Variants in GABRA2 observed in about 807,000 individuals in gnomAD.
The protein encoded by GABRA2 is gamma-aminobutyric acid receptor subunit alpha-2.
In GABRA2, 16 loss-of-function variants were observed where a neutral mutation model predicts 48.7. The observed-to-expected ratio is 0.33, with a 90% confidence interval of 0.22 to 0.50. The LOEUF (loss-of-function observed/expected upper bound fraction) is 0.50, where lower values mean the gene tolerates loss of function less well. Among genes scored for constraint, GABRA2 ranks in the 20% least tolerant of loss-of-function variants. The probability of loss-of-function intolerance (pLI) is 0.98; values close to 1 mark genes in which losing one functional copy is unlikely to be tolerated. For missense variants in GABRA2, 275 were observed against 535.6 expected (o/e 0.51, Z 4.80); for synonymous variants, 185 against 184.5 (o/e 1.00, Z -0.02).
At chr4:46,312,898 A>T (rs1459611475) in intron 4 of GABRA2, among the ~76,000 whole-genome samples, 182 bp from the exon 5 acceptor site, 1 of 152,086 alleles carries the variant, frequency 6.6e-6, no homozygotes, top group Non-Finnish European at 1.5e-5. Flanking sequence ...ACAATGGGAT[A>T]AAGTACGTCT....
At chr4:46,272,178 G>A (rs1222258841) in intron 8 of GABRA2, among the ~76,000 whole-genome samples, 1 of 151,688 alleles carries the variant, frequency 6.6e-6, no homozygotes, top group African/African-American at 2.4e-5. Flanking sequence ...CACACAACCT[G>A]GTCTGATGCA....
At chr4:46,306,370 T>G (rs961206567) in intron 6 of GABRA2, among the ~76,000 whole-genome samples, 1 of 152,132 alleles carries the variant, frequency 6.6e-6, no homozygotes, top group Non-Finnish European at 1.5e-5. Flanking sequence ...GAGGAAAAAC[T>G]GCAACCAGAT....
At chr4:46,316,037 T>C (rs1728500554) in intron 4 of GABRA2, among the ~76,000 whole-genome samples, 1 of 151,960 alleles carries the variant, frequency 6.6e-6, no homozygotes, top group African/African-American at 2.4e-5. Context: ...TTCTGACACT[T>C]GCATCTTTTA....
intron 3 of GABRA2, chr4:46,366,671 T>C (rs1410498365): frequency 6.6e-6 from 1 of 152,262 alleles, no homozygotes; most frequent in East Asian, 1.9e-4. Context: ...TATTAAATGA[T>C]ATGTAAAGTG....
intron 3 of GABRA2, among the ~76,000 whole-genome samples, chr4:46,378,046 C>A (rs1405541724): frequency 0.041 from 9 of 220 alleles, no homozygotes; most frequent in Non-Finnish European, 0.056. Flanking sequence ...GGGGTTCAGC[C>A]CCCCCACCCG....
At chr4:46,324,627 C>T (rs992833231) in intron 4 of GABRA2, among the ~76,000 whole-genome samples, 3 of 151,590 alleles carry the variant, frequency 2.0e-5, no homozygotes, top group Non-Finnish European at 4.4e-5. Context: ...TGTTACACAA[C>T]TAGATTGCAT....
intron 8 of GABRA2, among the ~76,000 whole-genome samples, chr4:46,278,641 A>C (rs1033517357): frequency 6.6e-6 from 1 of 152,126 alleles, no homozygotes; most frequent in East Asian, 1.9e-4. Flanking sequence ...TTCTTCTATC[A>C]ATTTTTCTGA....
At chr4:46,250,726 A>G (rs1714581953) in intron 9 of GABRA2, 122 bp from the exon 10 acceptor site, 1 of 681,034 alleles carries the variant, frequency 1.5e-6, no homozygotes, top group African/African-American at 1.8e-5. Flanking sequence ...TTAGCAAAAA[A>G]CAGAAATTAG....
intron 3 of GABRA2, among the ~76,000 whole-genome samples, chr4:46,372,724 C>T (rs1445311805): frequency 6.6e-6 from 1 of 152,090 alleles, no homozygotes; most frequent in African/African-American, 2.4e-5. Context: ...GCAAACTTTC[C>T]TGTTTCCAAT....
chr4:46,274,098 G>A (rs1459268099), intron 8 of GABRA2, among the ~76,000 whole-genome samples: 1 of 152,142 alleles, frequency 6.6e-6, no homozygotes, highest in Admixed American at 6.6e-5. Flanking sequence ...GGAGACAGTA[G>A]TCATCTCTGA....
At chr4:46,357,272 G>A (rs1736141703) in intron 3 of GABRA2, among the ~76,000 whole-genome samples, 1 of 151,336 alleles carries the variant, frequency 6.6e-6, no homozygotes, top group Non-Finnish European at 1.5e-5. Context: ...CTGATAATCT[G>A]ATCTCTGGAA....
intron 3 of GABRA2, among the ~76,000 whole-genome samples, chr4:46,377,972 C>G (rs1716138233): frequency 1.3e-5 from 2 of 150,794 alleles, no homozygotes; most frequent in African/African-American, 4.9e-5. Flanking sequence ...GCCGCCCCAT[C>G]CAGGAGGGAG....
chr4:46,290,084 T>G (rs1014321351), intron 8 of GABRA2, among the ~76,000 whole-genome samples: 2 of 119,478 alleles, frequency 1.7e-5, no homozygotes, highest in East Asian at 2.7e-4. Flanking sequence ...GCTCATTTTT[T>G]GTATTTTTTT....
intron 5 of GABRA2, among the ~76,000 whole-genome samples, chr4:46,312,048 G>A (rs560987697): frequency 2.6e-5 from 4 of 152,224 alleles, no homozygotes; most frequent in East Asian, 1.9e-4. Context: ...GAAGTGAGTC[G>A]AGATTGCACC....
intron 3 of GABRA2, among the ~76,000 whole-genome samples, chr4:46,370,919 C>G (rs1280406345): frequency 6.6e-6 from 1 of 152,040 alleles, no homozygotes; most frequent in East Asian, 1.9e-4. Flanking sequence ...AACACACACA[C>G]ACAAAACCAC....
chr4:46,387,344 T>G (rs10013922), intron 2 of GABRA2, among the ~76,000 whole-genome samples: 35,860 of 152,090 alleles, frequency 0.24, 4,452 homozygotes, highest in Non-Finnish European at 0.26. Context: ...GTATAAAATA[T>G]TATTAAAAGT....
At chr4:46,257,316 A>G (rs1429399185) in intron 9 of GABRA2, among the ~76,000 whole-genome samples, 1 of 151,684 alleles carries the variant, frequency 6.6e-6, no homozygotes, top group African/African-American at 2.4e-5. Context: ...GCAGCAGAAG[A>G]AGAGGTATTA....
At chr4:46,282,349 C>G (rs1361503094) in intron 8 of GABRA2, among the ~76,000 whole-genome samples, 1 of 151,996 alleles carries the variant, frequency 6.6e-6, no homozygotes, top group East Asian at 1.9e-4. Flanking sequence ...CCAACAAGAC[C>G]CAAGAATGGG....
chr4:46,268,581 G>C (rs376802035), intron 8 of GABRA2, among the ~76,000 whole-genome samples: 28 of 152,024 alleles, frequency 1.8e-4, no homozygotes, highest in African/African-American at 6.7e-4. Flanking sequence ...TTCTTGGTTG[G>C]AATGTGAATT....
Sources: allele counts gnomAD v4.1 joint callset (sites outside exome capture counted in the v4.1 genomes callset), GRCh38; gene constraint gnomAD v4.1.1; transcripts MANE v1.5; gene names NCBI Gene and HGNC (gene_info 2026-07-23, HGNC 2026-07-21).